The following GCNT2 variants were observed in gnomAD, a reference collection of about 807,000 sequenced individuals.
GCNT2 encodes N-acetyllactosaminide beta-1,6-N-acetylglucosaminyl-transferase.
GCNT2 carries 34 observed loss-of-function variants against 34.2 expected under a neutral mutation model. That is an observed-to-expected ratio of 1.00 (90% confidence interval 0.76 to 1.32). GCNT2 has a LOEUF of 1.32. Ranked by LOEUF, GCNT2 falls within the 40% of genes most tolerant of loss-of-function variation. The probability of loss-of-function intolerance (pLI) is 0.00; values close to 1 mark genes in which losing one functional copy is unlikely to be tolerated. For synonymous variants in GCNT2, 212 were observed against 188.0 expected (o/e 1.13, Z -1.04); for missense variants, 584 against 489.4 (o/e 1.19, Z -1.82).
chr6:10,566,984 C>T (rs552942991), intron 3 of GCNT2, among the ~76,000 whole-genome samples: 4 of 152,148 alleles, frequency 2.6e-5, no homozygotes, highest in Non-Finnish European at 2.9e-5. Context: ...TCTGCTCAAA[C>T]GAACTTCTTC....
intron 3 of GCNT2, among the ~76,000 whole-genome samples, chr6:10,539,246 G>A (rs371538857): frequency 0.01 from 1,434 of 140,722 alleles, 22 homozygotes; most frequent in African/African-American, 0.036. Context: ...CTGGAGTGCA[G>A]TGGTGCGATC....
At chr6:10,607,091 G>T (rs545584233) in intron 3 of GCNT2, among the ~76,000 whole-genome samples, 2 of 151,904 alleles carry the variant, frequency 1.3e-5, no homozygotes, top group Admixed American at 1.3e-4. Context: ...GGATTACAGG[G>T]GTGCACCACC....
chr6:10,606,713 C>T (rs765518169), intron 3 of GCNT2, among the ~76,000 whole-genome samples: 66 of 69,664 alleles, frequency 9.5e-4, no homozygotes, highest in Non-Finnish European at 1.4e-3. Flanking sequence ...ACCTGCCCAG[C>T]AGTGGTCATA....
intron 3 of GCNT2, among the ~76,000 whole-genome samples, chr6:10,545,053 T>A (rs1057161052): frequency 6.6e-6 from 1 of 152,350 alleles, no homozygotes; most frequent in Non-Finnish European, 1.5e-5. Context: ...GTTACTATGA[T>A]TAGATTCCTT....
intron 3 of GCNT2, among the ~76,000 whole-genome samples, chr6:10,611,225 G>GAA (rs773459728): frequency 3.8e-5 from 5 of 133,098 alleles, no homozygotes; most frequent in African/African-American, 1.1e-4. Context: ...ATGTCTATTT[G>GAA]AAAAAAAAAA....
intron 3 of GCNT2, among the ~76,000 whole-genome samples, chr6:10,551,685 C>T (rs1762487601): frequency 6.6e-6 from 1 of 151,768 alleles, no homozygotes; most frequent in East Asian, 2.0e-4. Context: ...CCTCGTGATC[C>T]ACCTGCCTTG....
intron 3 of GCNT2, among the ~76,000 whole-genome samples, chr6:10,555,423 A>G (rs771547653): frequency 6.6e-6 from 1 of 152,178 alleles, no homozygotes; most frequent in Non-Finnish European, 1.5e-5. Flanking sequence ...CTGGGCAGGC[A>G]TATGACACTT....
At chr6:10,531,083 T>A (rs1364332748) in intron 3 of GCNT2, among the ~76,000 whole-genome samples, 7 of 151,934 alleles carry the variant, frequency 4.6e-5, no homozygotes, top group Non-Finnish European at 1.5e-5. Flanking sequence ...ACCTCCATTT[T>A]ATAGATGAAG....
intron 3 of GCNT2, among the ~76,000 whole-genome samples, chr6:10,615,478 C>T (rs568613508): frequency 2.6e-5 from 4 of 152,002 alleles, no homozygotes; most frequent in Non-Finnish European, 5.9e-5. Flanking sequence ...CAACACCCAG[C>T]TAATTTTTGT....
Position 10,528,995 on chromosome 6 carries a change from A to G in GCNT2, c.84A>G (p.Leu28=). ...LIFVFVYNTE[L]WENKRFLRAA... ...TTGTATTTGTTTACAATACTGAGTT[A>G]TGGGAGAATAAACGTTTTCTGAGGG... is the stretch of plus-strand genomic sequence containing the variant. Residue 28 remains leucine, a synonymous_variant, in exon 3 of 5, where the codon TTA becomes TTG. Transcript: ENST00000495262. The G allele has an allele frequency of 6.2e-7, 1 of 1,613,892 alleles. No homozygotes were observed. The highest frequency in any genetic ancestry group is 8.5e-7 in the Non-Finnish European group (1 of 1,179,772).
intron 3 of GCNT2, among the ~76,000 whole-genome samples, chr6:10,595,150 C>T (rs1157694842): frequency 1.3e-5 from 2 of 152,176 alleles, no homozygotes; most frequent in African/African-American, 2.4e-5. Flanking sequence ...CCTTACATAA[C>T]ACTATGAAAT....
rs1766326953 is a variant in GCNT2 at position 10,627,777 on chromosome 6, T to G, written c.*1170T>G. ...GAGAATCTTACAGAGTGATTGTAGT[T>G]TAATACAGGAACACACAGGGCTGTG... On this transcript the variant is annotated 3_prime_UTR_variant, in exon 5 of 5. Transcript: ENST00000495262. The G allele has an allele frequency of 6.6e-6, 1 of 152,120 alleles. No homozygotes were observed. Among genetic ancestry groups the G allele is most frequent in the Non-Finnish European group, 1.5e-5 (1 of 68,022 alleles). 9.4% of individuals were successfully genotyped at this position (152,120 alleles called of 1,614,324 possible).
intron 3 of GCNT2, among the ~76,000 whole-genome samples, chr6:10,616,189 A>G (rs1435449836): frequency 2.0e-5 from 3 of 152,088 alleles, no homozygotes; most frequent in East Asian, 3.9e-4. Context: ...TGAGCGTTAT[A>G]TCTTTCAAGG....
chr6:10,562,999 A>G (rs1316985516), intron 3 of GCNT2, among the ~76,000 whole-genome samples: 4 of 152,096 alleles, frequency 2.6e-5, no homozygotes, highest in Non-Finnish European at 5.9e-5. Context: ...CCTCTACTAA[A>G]TATACAGAAT....
intron 3 of GCNT2, among the ~76,000 whole-genome samples, chr6:10,589,421 TG>T (rs1326389467): frequency 6.6e-6 from 1 of 151,600 alleles, no homozygotes; most frequent in Non-Finnish European, 1.5e-5. Flanking sequence ...ATGTGTGGTG[TG>T]GGTGTGTGCG....
intron 3 of GCNT2, among the ~76,000 whole-genome samples, chr6:10,551,760 A>G (rs774587641): frequency 1.3e-5 from 2 of 148,182 alleles, no homozygotes; most frequent in Non-Finnish European, 3.0e-5. Flanking sequence ...TTTATTTTTT[A>G]TTTATTCATC....
intron 3 of GCNT2, among the ~76,000 whole-genome samples, chr6:10,616,407 T>G (rs1370560644): frequency 1.3e-5 from 2 of 152,160 alleles, no homozygotes; most frequent in East Asian, 1.9e-4. Flanking sequence ...CCGCTGTTAG[T>G]TTTGTCAGCC....
chr6:10,566,157 C>T lies in GCNT2; in HGVS notation c.925+36321C>T, dbSNP rs1763274938. ...GGAGGCTCCCGGATGCTCTTCCTCC[C>T]TATCCTGCATCTGATTGATGTGTGC... On this transcript the variant is annotated intron_variant, in intron 3 of 4. Coordinates refer to ENST00000495262, the MANE Select transcript of GCNT2 (RefSeq NM_145649.5). 2.0e-5 allele frequency among the ~76,000 whole-genome samples: 3 copies of T among 152,038 alleles called. No individual in the cohort carries two copies. In the South Asian group the frequency reaches 6.2e-4, roughly 32 times the overall value.
chr6:10,590,330 T>C (rs1764574667), intron 3 of GCNT2, among the ~76,000 whole-genome samples: 1 of 149,010 alleles, frequency 6.7e-6, no homozygotes, highest in Non-Finnish European at 1.5e-5. Context: ...GCCTGAAAAA[T>C]CAAGGCTGCA....
Sources: allele counts gnomAD v4.1 joint callset (sites outside exome capture counted in the v4.1 genomes callset), GRCh38; gene constraint gnomAD v4.1.1; transcripts MANE v1.5; gene names NCBI Gene and HGNC (gene_info 2026-07-23, HGNC 2026-07-21).